Variants in HSF1 observed in about 807,000 individuals in gnomAD.
HSF1 encodes heat shock factor protein 1.
Under a neutral mutation model 51.7 loss-of-function variants are expected in HSF1, and 32 were observed. The ratio of observed to expected loss-of-function variants is 0.62; its 90% CI spans 0.47 to 0.83. HSF1 has a LOEUF of 0.83. Ranked by LOEUF, HSF1 falls within the 40% of genes least tolerant of loss-of-function variation. HSF1 has a pLI of 0.00. For missense variants in HSF1, 727 were observed against 717.0 expected, an observed-to-expected ratio of 1.01 and a Z score of -0.16; for synonymous variants, 396 against 309.7, an observed-to-expected ratio of 1.28 and a Z score of -2.92.
In HSF1 at chr8:144,312,122, T is replaced by C. The variant is rs200842781; in HGVS notation, c.1020T>C (p.Pro340=). The stretch of plus-strand genomic sequence containing the variant: ...ACTCCATCCTGCGGGAGAGTGAACC[T>C]GCCCCCGCCTCCGTCACAGCCCTCA... The part of the protein sequence containing the change: ...LIDSILRESE[P]APASVTALTD... The change falls in exon 9 of 13, where the codon CCT becomes CCC. Residue 340 remains proline, a synonymous_variant. Coordinates refer to ENST00000528838, the MANE Select transcript of HSF1 (RefSeq NM_005526.4). 47 of 1,612,170 alleles carry C rather than the reference T, an allele frequency of 2.9e-5. No homozygotes were observed. In the East Asian group the frequency reaches 1.0e-3, roughly 34 times the overall value.
rs534624690 is a variant in HSF1 at position 144,313,942 on chromosome 8, C to G, written c.1314+31C>G. Reference sequence around the variant, plus strand: ...TAGGCGGGCGGGGGGTGAGGGGGAACGAGACCAGCGGGAGTGCTCACAATA... The same window carrying G: ...TAGGCGGGCGGGGGGTGAGGGGGAAGGAGACCAGCGGGAGTGCTCACAATA... On this transcript the variant is annotated intron_variant, in intron 11 of 12. Coordinates refer to ENST00000528838, the MANE Select transcript of HSF1 (RefSeq NM_005526.4). The G allele has an allele frequency of 1.5e-5, 24 of 1,610,210 alleles. No individual in the cohort carries two copies. The East Asian group carries it at 4.9e-4, about 33-fold the overall frequency.
chr8:144,304,498 T>G (rs781806803), intron 1 of HSF1, among the ~76,000 whole-genome samples: 1 of 152,176 alleles, frequency 6.6e-6, no homozygotes, highest in Non-Finnish European at 1.5e-5. Flanking sequence ...CAGGCTGGTC[T>G]CCAACTCCTG....
At chr8:144,293,055 T>C (rs887084101) in intron 1 of HSF1, among the ~76,000 whole-genome samples, 1 of 152,240 alleles carries the variant, frequency 6.6e-6, no homozygotes, top group East Asian at 1.9e-4. Flanking sequence ...TCCCAGGAGC[T>C]AAGACCCCAG....
intron 9 of HSF1, chr8:144,312,521 T>C: frequency 2.9e-6 from 3 of 1,039,544 alleles, no homozygotes; most frequent in Non-Finnish European, 4.3e-6. Flanking sequence ...CCACGGGCCC[T>C]GGCAGGTCGT....
chr8:144,302,499 T>TC (rs1235178128), intron 1 of HSF1, among the ~76,000 whole-genome samples: 1 of 143,552 alleles, frequency 7.0e-6, no homozygotes, highest in African/African-American at 2.6e-5. Flanking sequence ...GGAGCGAGAC[T>TC]CCATCTAAAA....
In HSF1 at chr8:144,310,063, G is replaced by A. The variant is rs1816514136; in HGVS notation, c.488+167G>A. The A allele has an allele frequency of 2.3e-5, 18 of 767,732 alleles. No individual in the cohort carries two copies. The South Asian group carries it at 3.1e-4, about 13-fold the overall frequency. The allele number at this position is 767,732 out of a possible 1,614,324, so 47.6% of individuals were successfully genotyped here. The stretch of plus-strand genomic sequence containing the variant: ...TGCCCCAGCCCCGCCGCCCGTGGCT[G>A]CTGCAACAGCTCTGGGGCCAGCCGT... On this transcript the variant is annotated intron_variant, in intron 4 of 12. Coordinates refer to ENST00000528838, the MANE Select transcript of HSF1 (RefSeq NM_005526.4).
chr8:144,310,096 G>A, intron 4 of HSF1, 200 bp downstream of exon 4: 2 of 614,262 alleles, frequency 3.3e-6, no homozygotes, highest in Non-Finnish European at 5.6e-6. Context: ...CGTTTTCCAT[G>A]TGCAGAAGGG....
chr8:144,298,442 C>CAAA (rs11405501), intron 1 of HSF1, among the ~76,000 whole-genome samples: 2 of 138,766 alleles, frequency 1.4e-5, no homozygotes, highest in African/African-American at 5.3e-5. Flanking sequence ...ACTAAAAATA[C>CAAA]AAAAAAAAAA....
rs782490198 is a variant in HSF1, at chr8:144,291,847, C to T, written c.90C>T (p.Asp30=). 8 of 1,546,628 alleles carry T rather than the reference C, an allele frequency of 5.2e-6. No individual in the cohort carries two copies. The highest frequency in any genetic ancestry group is 6.9e-6 in the Non-Finnish European group (8 of 1,151,884). ...TKLWTLVSDP[D]TDALICWSPS... is the part of the protein sequence containing the mutation. The stretch of plus-strand genomic sequence containing the variant: ...TGTGGACCCTCGTGAGCGACCCGGA[C>T]ACCGACGCGCTCATCTGCTGGAGCC... The change falls in exon 1 of 13, where the codon GAC becomes GAT. Residue 30 remains aspartate (D), a synonymous_variant. Transcript: ENST00000528838. This position sits in a 1 kb window ranked among gnomAD's most constrained non-coding sequence, Gnocchi z 4.1.
intron 4 of HSF1, chr8:144,310,673 G>A (rs1253203720): frequency 1.1e-5 from 2 of 176,918 alleles, no homozygotes; most frequent in African/African-American, 2.4e-5. Context: ...AGCAGCAGGA[G>A]CGCGGTCATG....
intron 2 of HSF1, 114 bp from the exon 3 acceptor site, chr8:144,309,341 G>C: frequency 6.9e-7 from 1 of 1,454,446 alleles, no homozygotes; most frequent in Non-Finnish European, 9.5e-7. Flanking sequence ...TGAGGGGGCA[G>C]GGCAGGGTCT....
intron 4 of HSF1, 153 bp downstream of exon 4, chr8:144,310,049 C>CGGGCGGCGGGGCTGG: frequency 1.1e-6 from 1 of 927,726 alleles, no homozygotes; most frequent in Non-Finnish European, 1.6e-6. Context: ...GCCCCAGCCC[C>CGGGCGGCGGGGCTGG]GCCGCCCGTG....
At chr8:144,312,706 G>A (rs1554845252) in intron 9 of HSF1, 1 of 1,535,416 alleles carries the variant, frequency 6.5e-7, no homozygotes, top group East Asian at 2.4e-5. Context: ...GCCAAGTCCA[G>A]CCAGGGTTAG....
intron 9 of HSF1, 153 bp from the exon 10 acceptor site, chr8:144,313,358 C>G: frequency 1.7e-6 from 1 of 592,924 alleles, no homozygotes; most frequent in East Asian, 3.0e-5. Context: ...GCCTTCCAGG[C>G]CGTCCTCGAA....
intron 4 of HSF1, 143 bp downstream of exon 4, chr8:144,310,039 G>C: frequency 9.8e-7 from 1 of 1,017,980 alleles, no homozygotes; most frequent in Non-Finnish European, 1.4e-6. Context: ...CTGGGCCTCT[G>C]CCCCAGCCCC....
At chr8:144,309,746 G>A (rs1816477300) in intron 3 of HSF1, 26 bp from the exon 4 acceptor site, 5 of 1,610,658 alleles carry the variant, frequency 3.1e-6, no homozygotes, top group Non-Finnish European at 4.2e-6. Context: ...CTGCTCCAGT[G>A]ACTCCTGTCC....
At chr8:144,302,076 G>C (rs1488050786) in intron 1 of HSF1, among the ~76,000 whole-genome samples, 3 of 150,480 alleles carry the variant, frequency 2.0e-5, no homozygotes, top group African/African-American at 7.3e-5. Flanking sequence ...TGAGGCGGGA[G>C]AATCTCTGGA....
Position 144,313,532 on chromosome 8 carries a change from G to A in HSF1, c.1164G>A (p.Leu388=). The A allele has an allele frequency of 6.2e-7, 1 of 1,611,692 alleles. No homozygotes were observed. Among genetic ancestry groups the A allele is most frequent in the South Asian group, 1.1e-5 (1 of 91,066 alleles). Residue 388 remains leucine (L), a synonymous_variant, in exon 10 of 13, where the codon TTG becomes TTA. Transcript: ENST00000528838. ...CLDKNELSDH[L]DAMDSNLDNL... ...CCAGGAATGAGCTCAGTGACCACTT[G>A]GATGCTATGGACTCCAACCTGGATA... is the stretch of plus-strand genomic sequence containing the variant.
chr8:144,302,708 G>C (rs776483611), intron 1 of HSF1, among the ~76,000 whole-genome samples: 3 of 151,664 alleles, frequency 2.0e-5, no homozygotes, highest in Non-Finnish European at 4.4e-5. Flanking sequence ...TGTGGGCCCA[G>C]CTACGCGGGA....
Sources: gnomAD v4.1 joint callset for allele counts (sites outside exome capture counted in the v4.1 genomes callset) on GRCh38, gnomAD v4.1.1 for gene constraint, Gnocchi (gnomAD v3.1) non-coding constraint, MANE v1.5 for transcripts, NCBI Gene and HGNC (gene_info 2026-07-23, HGNC 2026-07-21) for gene names.